The following PDE8A variants were observed in gnomAD, a reference collection of about 807,000 sequenced individuals.
PDE8A encodes the protein high affinity cAMP-specific and IBMX-insensitive 3',5'-cyclic phosphodiesterase 8A.
A neutral mutation model predicts 105.0 loss-of-function variants in PDE8A; 59 were observed. That is an observed-to-expected ratio of 0.56 (90% CI 0.46 to 0.70). The LOEUF (loss-of-function observed/expected upper bound fraction) is 0.70. Among genes scored for constraint, PDE8A ranks in the 30% least tolerant of loss-of-function variants. PDE8A has a pLI of 0.00. For synonymous variants in PDE8A, 355 were observed against 371.9 expected (o/e 0.95, Z 0.52); for missense variants, 1,014 against 1,045.9 (o/e 0.97, Z 0.42).
intron 1 of PDE8A, among the ~76,000 whole-genome samples, chr15:85,038,563 C>A (rs1490277898): frequency 6.6e-6 from 1 of 152,092 alleles, no homozygotes; most frequent in Non-Finnish European, 1.5e-5. Context: ...AGACAAGCTG[C>A]AGACTGGGAG....
intron 11 of PDE8A, among the ~76,000 whole-genome samples, chr15:85,104,405 T>C (rs184566447): frequency 6.6e-6 from 1 of 152,194 alleles, no homozygotes; most frequent in Non-Finnish European, 1.5e-5. Flanking sequence ...TTTGGATTCA[T>C]CCTGTAGGCA....
intron 1 of PDE8A, among the ~76,000 whole-genome samples, chr15:85,013,338 C>T (rs2080271461): frequency 6.6e-6 from 1 of 152,168 alleles, no homozygotes; most frequent in African/African-American, 2.4e-5. Flanking sequence ...TTATTATCTT[C>T]TCTGAGCATC....
chr15:85,036,647 G>A (rs1179768805), intron 1 of PDE8A, among the ~76,000 whole-genome samples: 2 of 152,124 alleles, frequency 1.3e-5, no homozygotes, highest in Non-Finnish European at 2.9e-5. Context: ...GAGGACTCCA[G>A]CAGTAAAGGT....
At chr15:85,128,568 T>C (rs1351888956) in intron 20 of PDE8A, among the ~76,000 whole-genome samples, 1 of 152,234 alleles carries the variant, frequency 6.6e-6, no homozygotes, top group Admixed American at 6.5e-5. Flanking sequence ...TTACAAAGTT[T>C]GCTCATTCAA....
At chr15:85,053,593 G>C (rs1469676353) in intron 1 of PDE8A, among the ~76,000 whole-genome samples, 1 of 152,156 alleles carries the variant, frequency 6.6e-6, no homozygotes, top group Non-Finnish European at 1.5e-5. Context: ...ATTGTGAATG[G>C]GAGTTCACTC....
At chr15:85,137,347 C>T (rs1469470802) in intron 21 of PDE8A, among the ~76,000 whole-genome samples, 1 of 151,968 alleles carries the variant, frequency 6.6e-6, no homozygotes, top group East Asian at 1.9e-4. Flanking sequence ...AGACCAGACG[C>T]GTGTGTCCCC....
chr15:84,993,379 T>C (rs1464552813), intron 1 of PDE8A, among the ~76,000 whole-genome samples: 3 of 145,062 alleles, frequency 2.1e-5, no homozygotes, highest in South Asian at 2.1e-4. Flanking sequence ...GGAGGCAGAG[T>C]TTGTAGTGAG....
chr15:85,091,115 A>G lies in PDE8A; in HGVS notation c.786A>G (p.Glu262=). Residue 262 remains glutamate (E), a synonymous_variant, in exon 8 of 22, where the codon GAA becomes GAG. Coordinates refer to ENST00000394553, the MANE Select transcript of PDE8A (RefSeq NM_002605.3). ...SGELIGKELG[E]VPINEKKADL... is the part of the protein sequence containing the mutation. ...AATTAATAGGGAAGGAGTTAGGAGA[A>G]GTGCCTATAAATGAAAAAAAGGCTG... 6.8e-6 allele frequency: 11 copies of G among 1,613,316 alleles called. No individual in the cohort carries two copies. Among genetic ancestry groups the G allele is most frequent in the Non-Finnish European group, 8.5e-6 (10 of 1,179,348 alleles).
Position 84,981,929 on chromosome 15 carries a change from C to T in PDE8A, c.-234C>T. 2 of 259,778 alleles carry T rather than the reference C, an allele frequency of 7.7e-6. No homozygotes were observed. The highest frequency in any genetic ancestry group is 2.3e-5 in the African/African-American group (1 of 44,312). The allele number at this position is 259,778 out of a possible 1,614,324, so 16.1% of individuals were successfully genotyped here. ...CTCAGGAAGGGCATGTTCGGAGGGG[C>T]GGCCTCGGCACGCCACCCGCCTAAG... On this transcript the variant is annotated 5_prime_UTR_variant, in exon 1 of 22. Coordinates refer to ENST00000394553, the MANE Select transcript of PDE8A (RefSeq NM_002605.3).
intron 1 of PDE8A, among the ~76,000 whole-genome samples, chr15:84,995,383 T>C (rs1038553851): frequency 6.6e-6 from 1 of 151,896 alleles, no homozygotes; most frequent in African/African-American, 2.4e-5. Flanking sequence ...GCTGTGATCA[T>C]AGTTAACTGC....
intron 6 of PDE8A, among the ~76,000 whole-genome samples, chr15:85,086,729 C>T (rs891868131): frequency 7.2e-5 from 11 of 152,058 alleles, no homozygotes; most frequent in African/African-American, 2.6e-4. Context: ...GAACTTCTTA[C>T]TGTTTTTTGC....
chr15:85,005,668 T>G (rs1347329804), intron 1 of PDE8A, among the ~76,000 whole-genome samples: 1 of 152,172 alleles, frequency 6.6e-6, no homozygotes, highest in Non-Finnish European at 1.5e-5. Flanking sequence ...CACAGACACC[T>G]TATACACCTG....
intron 12 of PDE8A, among the ~76,000 whole-genome samples, chr15:85,109,351 G>C (rs1369562860): frequency 2.0e-5 from 3 of 152,156 alleles, no homozygotes; most frequent in Admixed American, 6.5e-5. Flanking sequence ...AAAGGAAGAA[G>C]ATACATTTCC....
In PDE8A at chr15:85,120,760, G is replaced by A. The variant is rs754075819; in HGVS notation, c.1735-37G>A. The A allele has an allele frequency of 6.5e-6, 9 of 1,376,202 alleles. No homozygotes were observed. The African/African-American group carries it at 8.6e-5, about 13-fold the overall frequency. 85.2% of individuals were successfully genotyped at this position (1,376,202 alleles called of 1,614,324 possible). ...TACAGAAGGCTTCCTTGCCTTCAGT[G>A]TCATACCCCAGTTTTTAAAAGCTCT... On this transcript the variant is annotated intron_variant, in intron 17 of 21. Transcript: ENST00000394553.
chr15:84,993,888 T>G (rs948414167), intron 1 of PDE8A, among the ~76,000 whole-genome samples: 1 of 152,140 alleles, frequency 6.6e-6, no homozygotes, highest in Non-Finnish European at 1.5e-5. Context: ...ACCCTGTCTC[T>G]TAAAAAGCAA....
chr15:85,062,248 G>T (rs989449873), intron 1 of PDE8A, among the ~76,000 whole-genome samples: 3 of 147,716 alleles, frequency 2.0e-5, no homozygotes, highest in African/African-American at 5.4e-5. Flanking sequence ...AGGATTTGCT[G>T]TTATTGTTTT....
rs959030349 is a variant in PDE8A, at chr15:85,100,171, G to A, written c.1009G>A (p.Glu337Lys). 2.5e-5 allele frequency: 41 copies of A among 1,613,706 alleles called. No individual in the cohort carries two copies. Among genetic ancestry groups the A allele is most frequent in the Admixed American group, 8.3e-5 (5 of 59,996 alleles). ...TCACTTTTAGGCTGAGAAAATATCC[G>A]AATGTGTTCAGTCTGACACTCATAC... The part of the protein sequence containing the change: ...NGNNKAEKIS[E>K]CVQSDTHTDN... Residue 337 changes from glutamate to lysine, a missense_variant, in exon 11 of 22, where the codon GAA becomes AAA. Glu to Lys is a moderately conservative substitution (Grantham distance 56). Transcript: ENST00000394553.
intron 1 of PDE8A, among the ~76,000 whole-genome samples, chr15:84,989,942 C>T (rs1393771421): frequency 2.0e-5 from 3 of 152,120 alleles, no homozygotes; most frequent in Non-Finnish European, 2.9e-5. Flanking sequence ...TTATATCTGT[C>T]CACTCCTTTA....
chr15:84,997,058 C>T (rs1418218907), intron 1 of PDE8A, among the ~76,000 whole-genome samples: 1 of 151,966 alleles, frequency 6.6e-6, no homozygotes, highest in Non-Finnish European at 1.5e-5. Flanking sequence ...CTTACTGTAA[C>T]TTTTTTACTT....
Sources: gnomAD v4.1 joint callset for allele counts (sites outside exome capture counted in the v4.1 genomes callset) on GRCh38, gnomAD v4.1.1 for gene constraint, MANE v1.5 for transcripts, NCBI Gene and HGNC (gene_info 2026-07-23, HGNC 2026-07-21) for gene names.